MAPDA: variants seen among roughly 807,000 people sequenced by gnomAD.
MAPDA encodes the protein N6,N6-dimethyl-AMP deaminase.
chr15:43,336,568 CAGTT>C, the MAPDA span: 8 of 1,345,142 alleles, frequency 5.9e-6, no homozygotes, highest in Middle Eastern at 2.0e-4. Flanking sequence ...TTAATTCATT[CAGTT>C]AGTGAGTTTC....
chr15:43,340,156 T>A, the MAPDA span: 1 of 955,272 alleles, frequency 1.0e-6, no homozygotes, highest in Non-Finnish European at 1.6e-6. Context: ...CTTCCAACAT[T>A]ACTTGCAAAT....
chr15:43,353,962 C>T, the MAPDA span: 1 of 152,066 alleles, frequency 6.6e-6, no homozygotes, highest in African/African-American at 2.4e-5. Context: ...CATGGGAACC[C>T]TGATTTATAG....
chr15:43,345,896 C>G, the MAPDA span: 1 of 1,614,146 alleles, frequency 6.2e-7, no homozygotes, highest in Non-Finnish European at 8.5e-7. Flanking sequence ...CTTTAGTAGC[C>G]AAGGAGACTG....
chr15:43,346,133 T>C, the MAPDA span, among the ~76,000 whole-genome samples: 10 of 152,158 alleles, frequency 6.6e-5, no homozygotes, highest in Non-Finnish European at 8.8e-5. Context: ...ATGACCAGAA[T>C]GCCTAGAGCA....
the MAPDA span, among the ~76,000 whole-genome samples, chr15:43,341,925 G>A: frequency 3.9e-5 from 6 of 151,972 alleles, no homozygotes; most frequent in East Asian, 3.9e-4. Context: ...TGCAACCTCC[G>A]CCTCCAAGGT....
chr15:43,336,398 G>A, the MAPDA span, among the ~76,000 whole-genome samples: 3 of 152,048 alleles, frequency 2.0e-5, no homozygotes, highest in African/African-American at 7.3e-5. Context: ...CCCATGTCAG[G>A]TGTGGGTTGG....
the MAPDA span, chr15:43,345,877 G>C: frequency 3.7e-6 from 6 of 1,614,210 alleles, no homozygotes; most frequent in Non-Finnish European, 3.4e-6. Context: ...GTTGACAGAA[G>C]AGGTGGCCCT....
chr15:43,335,929 G>T, the MAPDA span: 5 of 1,425,444 alleles, frequency 3.5e-6, no homozygotes, highest in Non-Finnish European at 3.8e-6. Flanking sequence ...CAGAAATAGG[G>T]TTGGCATGTG....
chr15:43,344,344 T>G, the MAPDA span, among the ~76,000 whole-genome samples: 1 of 152,222 alleles, frequency 6.6e-6, no homozygotes, highest in African/African-American at 2.4e-5. Context: ...TAACATTATT[T>G]TAATGGCATG....
At chr15:43,335,837 G>A in the MAPDA span, 20 of 1,609,288 alleles carry the variant, frequency 1.2e-5, no homozygotes, top group Non-Finnish European at 1.7e-5. Flanking sequence ...GTAAGTGTGG[G>A]GAGGTTGTGG....
the MAPDA span, chr15:43,353,215 A>G: frequency 1.3e-5 from 2 of 152,124 alleles, no homozygotes; most frequent in Non-Finnish European, 2.9e-5. Context: ...ACATAAACAC[A>G]CATACTGTGG....
chr15:43,336,752 C>T, the MAPDA span: 2 of 1,284,762 alleles, frequency 1.6e-6, no homozygotes, highest in South Asian at 1.5e-5. Context: ...CATTATTGCA[C>T]ATGGCCTTTC....
chr15:43,330,572 G>A, the MAPDA span: 1 of 1,450,244 alleles, frequency 6.9e-7, no homozygotes, highest in Non-Finnish European at 9.1e-7. Flanking sequence ...ACCTCGGTAG[G>A]GGGAAAAAAA....
the MAPDA span, chr15:43,350,903 T>A: frequency 6.7e-7 from 1 of 1,491,176 alleles, no homozygotes; most frequent in Non-Finnish European, 9.2e-7. Context: ...TTCACTTATT[T>A]GCTTTTAATA....
the MAPDA span, chr15:43,345,951 C>T: frequency 6.2e-7 from 1 of 1,614,174 alleles, no homozygotes; most frequent in Non-Finnish European, 8.5e-7. Flanking sequence ...GGGTACAGTT[C>T]TTGGCCTTGA....
chr15:43,349,581 G>C, the MAPDA span, among the ~76,000 whole-genome samples: 1 of 152,174 alleles, frequency 6.6e-6, no homozygotes, highest in East Asian at 1.9e-4. Context: ...AAATATACAA[G>C]AAAGTATCAG....
At chr15:43,341,712 G>C in the MAPDA span, among the ~76,000 whole-genome samples, 13 of 152,172 alleles carry the variant, frequency 8.5e-5, no homozygotes, top group African/African-American at 3.1e-4. Context: ...CCATGATCGT[G>C]CCACTGCCCT....
the MAPDA span, among the ~76,000 whole-genome samples, chr15:43,337,768 G>A: frequency 1.2e-4 from 18 of 152,322 alleles, no homozygotes; most frequent in African/African-American, 4.3e-4. Context: ...AACTCTAATA[G>A]TTTCATTCAA....
chr15:43,344,806 CAAAAA>C, the MAPDA span, among the ~76,000 whole-genome samples: 1 of 90,926 alleles, frequency 1.1e-5, no homozygotes, highest in Non-Finnish European at 2.8e-5. Flanking sequence ...AATTCTGTCT[CAAAAA>C]AAAAAAAAAA....
Sources: gnomAD v4.1 joint callset for allele counts (sites outside exome capture counted in the v4.1 genomes callset) on GRCh38, gnomAD v4.1.1 for gene constraint, MANE v1.5 for transcripts, NCBI Gene and HGNC (gene_info 2026-07-23, HGNC 2026-07-21) for gene names.